Variants in WFIKKN2 observed in about 807,000 individuals in gnomAD.
WFIKKN2 encodes the protein WAP, Kazal, immunoglobulin, Kunitz and NTR domain-containing protein 2.
WFIKKN2 carries 25 observed loss-of-function variants against 39.2 expected under a neutral mutation model. The ratio of observed to expected loss-of-function variants is 0.64; its 90% CI spans 0.47 to 0.89. The LOEUF is 0.89. Ranked by LOEUF, WFIKKN2 falls within the 40% of genes least tolerant of loss-of-function variation. The pLI is 0.00. For synonymous variants in WFIKKN2, 345 were observed against 329.7 expected (o/e 1.05, Z -0.50); for missense variants, 770 against 811.7 (o/e 0.95, Z 0.62).
At position 50,840,269 on chromosome 17, in the gene WFIKKN2, G is replaced by A; in HGVS notation, c.981G>A (p.Glu327=). 1.2e-6 allele frequency: 2 copies of A among 1,613,998 alleles called. No homozygotes were observed. Among genetic ancestry groups the A allele is most frequent in the South Asian group, 1.1e-5 (1 of 91,066 alleles). ...ATGGCACGGCTTTCCCGGCGGCCGAGTGCCTGAAGCCCCCAGACAGTGAGG... is the reference window on the plus strand; with the variant it reads ...ATGGCACGGCTTTCCCGGCGGCCGAATGCCTGAAGCCCCCAGACAGTGAGG... ...SPNGTAFPAA[E]CLKPPDSEDC... The change falls in exon 2 of 2, where the codon GAG becomes GAA. Residue 327 remains glutamate, a synonymous_variant. Coordinates refer to ENST00000311378, the MANE Select transcript of WFIKKN2 (RefSeq NM_175575.6).
chr17:50,839,361 G>A (rs1971999620), intron 1 of WFIKKN2, 138 bp from the exon 2 acceptor site: 8 of 784,132 alleles, frequency 1.0e-5, no homozygotes, highest in Non-Finnish European at 1.6e-5. Flanking sequence ...GTATGCATTC[G>A]TTATTATTTT....
At chr17:50,838,896 C>A (rs193107004) in intron 1 of WFIKKN2, among the ~76,000 whole-genome samples, 2 of 152,308 alleles carry the variant, frequency 1.3e-5, no homozygotes, top group Admixed American at 1.3e-4. Flanking sequence ...AGGGGCATTC[C>A]CCTCTTAACC....
At chr17:50,837,459 C>T (rs552527560) in intron 1 of WFIKKN2, among the ~76,000 whole-genome samples, 10 of 152,214 alleles carry the variant, frequency 6.6e-5, no homozygotes, top group Non-Finnish European at 1.3e-4. Flanking sequence ...CGAGTCATTC[C>T]CGAGGGCCAT....
rs762844264 is a variant in WFIKKN2 at position 50,840,791 on chromosome 17, G to A, written c.1503G>A (p.Gln501=). 5 of 1,614,010 alleles carry A rather than the reference G, an allele frequency of 3.1e-6. No individual in the cohort carries two copies. The East Asian group carries it at 1.1e-4, about 36-fold the overall frequency. ...AAATGGGCCTCAAGTTCCTGGGCCAGGAGCCATTGGAGGTCACTCTGCTTC... is the reference window on the plus strand; with the variant it reads ...AAATGGGCCTCAAGTTCCTGGGCCAAGAGCCATTGGAGGTCACTCTGCTTC... ...DEKMGLKFLG[Q]EPLEVTLLHV... is the part of the protein sequence containing the mutation. Residue 501 remains glutamine, a synonymous_variant, in exon 2 of 2, where the codon CAG becomes CAA. Transcript: ENST00000311378.
Position 50,841,151 on chromosome 17 carries a change from A to G in WFIKKN2, c.*132A>G. 4 of 927,914 alleles carry G rather than the reference A, an allele frequency of 4.3e-6. No individual in the cohort carries two copies. Among genetic ancestry groups the G allele is most frequent in the Non-Finnish European group, 6.2e-6 (4 of 644,006 alleles). The allele number at this position is 927,914 out of a possible 1,614,324, so 57.5% of individuals were successfully genotyped here. ...GGAAACATCAACCGACGTGTCACAG[A>G]AAAAGCCACAGAAGGTCTCAGATCA... is the stretch of plus-strand genomic sequence containing the variant. On this transcript the variant is annotated 3_prime_UTR_variant, in exon 2 of 2. Transcript: ENST00000311378.
chr17:50,840,854 G>A lies in WFIKKN2; in HGVS notation c.1566G>A (p.Val522=). The A allele has an allele frequency of 1.2e-6, 2 of 1,611,162 alleles. No homozygotes were observed. The highest frequency in any genetic ancestry group is 8.5e-7 in the Non-Finnish European group (1 of 1,177,684). ...CATGCCCCTGCCCCAACGTGACCGTGAGCGAGATGCCGCTCATCATCATGG... is the reference window on the plus strand; with the variant it reads ...CATGCCCCTGCCCCAACGTGACCGTAAGCGAGATGCCGCTCATCATCATGG... The part of the protein sequence containing the change: ...DWACPCPNVT[V]SEMPLIIMGE... Residue 522 remains valine (V), a synonymous_variant, in exon 2 of 2, where the codon GTG becomes GTA. Coordinates refer to ENST00000311378, the MANE Select transcript of WFIKKN2 (RefSeq NM_175575.6).
Position 50,835,967 on chromosome 17 carries a change from G to C in WFIKKN2, c.30G>C (p.Trp10Cys). The C allele has an allele frequency of 6.2e-7, 1 of 1,610,408 alleles. No homozygotes were observed. The highest frequency in any genetic ancestry group is 8.5e-7 in the Non-Finnish European group (1 of 1,178,702). The change falls in exon 1 of 2, where the codon TGG (tryptophan) becomes TGC (cysteine). Residue 10 changes from tryptophan (W) to cysteine (C), a missense_variant. By Grantham distance (215) the Trp-to-Cys change is radical. Coordinates refer to ENST00000311378, the MANE Select transcript of WFIKKN2 (RefSeq NM_175575.6). ...GGGCCCCAAGGTGTCGCCGGTTCTG[G>C]TCTCGCTGGGAGCAGGTGGCAGCGC... MWAPRCRRF[W>C]SRWEQVAALL... is the part of the protein sequence containing the mutation.
chr17:50,839,952 A>G lies in WFIKKN2; in HGVS notation c.664A>G (p.Thr222Ala). The change falls in exon 2 of 2, where the codon ACC becomes GCC. Residue 222 changes from threonine to alanine, a missense_variant. By Grantham distance (58) the Thr-to-Ala change is moderately conservative. Transcript: ENST00000311378. The stretch of plus-strand genomic sequence containing the variant: ...CAACAACCCTGTGCACCAGTCGGTC[A>G]CCATGGGTGAGACAGTGAGCTTCCT... ...LLNNPVHQSV[T>A]MGETVSFLCD... 1 of 1,614,150 alleles carries G rather than the reference A, an allele frequency of 6.2e-7. No homozygotes were observed. The highest frequency in any genetic ancestry group is 8.5e-7 in the Non-Finnish European group (1 of 1,179,976).
In WFIKKN2 at chr17:50,841,127, G is replaced by A. The variant is rs1252874082; in HGVS notation, c.*108G>A. 1 of 1,182,394 alleles carries A rather than the reference G, an allele frequency of 8.5e-7. No homozygotes were observed. The highest frequency in any genetic ancestry group is 1.2e-6 in the Non-Finnish European group (1 of 869,024). 73.2% of individuals were successfully genotyped at this position (1,182,394 alleles called of 1,614,324 possible). A position where few individuals can be genotyped will look rare whatever the true frequency, so the allele number is the denominator to read the frequency against. On this transcript the variant is annotated 3_prime_UTR_variant, in exon 2 of 2. Coordinates refer to ENST00000311378, the MANE Select transcript of WFIKKN2 (RefSeq NM_175575.6). ...GATTAGACAGGCTTGGGACAGCAGG[G>A]AAACATCAACCGACGTGTCACAGAA...
intron 1 of WFIKKN2, among the ~76,000 whole-genome samples, chr17:50,837,740 C>T (rs776951165): frequency 1.8e-4 from 27 of 152,354 alleles, no homozygotes; most frequent in Admixed American, 3.9e-4. Context: ...GACAGATGCT[C>T]CCCTTGGGCA....
intron 1 of WFIKKN2, among the ~76,000 whole-genome samples, chr17:50,836,428 G>A (rs1298820833): frequency 5.9e-5 from 9 of 151,888 alleles, no homozygotes; most frequent in Admixed American, 5.9e-4. Flanking sequence ...AGAAGTGGGA[G>A]TGTGAGGTTG....
In WFIKKN2 at chr17:50,841,082, C is replaced by T. The variant is rs1461508507; in HGVS notation, c.*63C>T. The T allele has an allele frequency of 1.4e-6, 2 of 1,460,484 alleles. No individual in the cohort carries two copies. The highest frequency in any genetic ancestry group is 1.8e-6 in the Non-Finnish European group (2 of 1,096,814). The allele number at this position is 1,460,484 out of a possible 1,614,324, so 90.5% of individuals were successfully genotyped here. A position where few individuals can be genotyped will look rare whatever the true frequency, so the allele number is the denominator to read the frequency against. On this transcript the variant is annotated 3_prime_UTR_variant, in exon 2 of 2. Transcript: ENST00000311378. ...TCCACCTATCCACCCCAATGCCTCT[C>T]AGCAAACTGGGCGAGGTCAGATTAG...
chr17:50,840,795 C>T lies in WFIKKN2; in HGVS notation c.1507C>T (p.Pro503Ser). The change falls in exon 2 of 2, where the codon CCA becomes TCA. Residue 503 changes from proline to serine, a missense_variant. Transcript: ENST00000311378. ...GGGCCTCAAGTTCCTGGGCCAGGAG[C>T]CATTGGAGGTCACTCTGCTTCACGT... is the stretch of plus-strand genomic sequence containing the variant. ...KMGLKFLGQEPLEVTLLHVDW... is the reference protein window; with the variant it reads ...KMGLKFLGQESLEVTLLHVDW... 1 of 1,614,116 alleles carries T rather than the reference C, an allele frequency of 6.2e-7. No individual in the cohort carries two copies. The highest frequency in any genetic ancestry group is 1.7e-4 in the Middle Eastern group (1 of 6,040).
At position 50,839,524 on chromosome 17, in the gene WFIKKN2, G is replaced by A. The variant is rs1303314225; in HGVS notation, c.236G>A (p.Cys79Tyr). 1 of 1,613,894 alleles carries A rather than the reference G, an allele frequency of 6.2e-7. No individual in the cohort carries two copies. Among genetic ancestry groups the A allele is most frequent in the East Asian group, 2.2e-5 (1 of 44,876 alleles). Residue 79 changes from cysteine (C) to tyrosine (Y), a missense_variant, in exon 2 of 2, where the codon TGC (cysteine) becomes TAC (tyrosine). Cys to Tyr is a radical substitution (Grantham distance 194). Transcript: ENST00000311378. The stretch of plus-strand genomic sequence containing the variant: ...GAGTGTGAGACCTATGAGAAGTGCT[G>A]CCCCAACGTATGTGGGACCAAGAGC... Reference protein sequence around the residue: ...DQECETYEKCCPNVCGTKSCV... With the variant: ...DQECETYEKCYPNVCGTKSCV...
Position 50,841,179 on chromosome 17 carries a change from A to G in WFIKKN2, c.*160A>G. On this transcript the variant is annotated 3_prime_UTR_variant, in exon 2 of 2. Transcript: ENST00000311378. ...AAGCCACAGAAGGTCTCAGATCAGC[A>G]TCTATTCTTTGGGTTCAATAAGGGG... 2 of 692,052 alleles carry G rather than the reference A, an allele frequency of 2.9e-6. No homozygotes were observed. The highest frequency in any genetic ancestry group is 3.2e-5 in the South Asian group (1 of 30,950). 42.9% of individuals were successfully genotyped at this position (692,052 alleles called of 1,614,324 possible).
rs765745874 is a variant in WFIKKN2, at chr17:50,840,212, T to C, written c.924T>C (p.His308=). The part of the protein sequence containing the change: ...ADFPLSVVRG[H]QAAATSESSP... ...TCCCGCTGTCGGTGGTCAGGGGTCA[T>C]CAGGCTGCAGCCACCTCAGAGAGCA... The change falls in exon 2 of 2, where the codon CAT becomes CAC. Residue 308 remains histidine (H), a synonymous_variant. Coordinates refer to ENST00000311378, the MANE Select transcript of WFIKKN2 (RefSeq NM_175575.6). 6.2e-7 allele frequency: 1 copy of C among 1,613,688 alleles called. No homozygotes were observed.
Position 50,839,911 on chromosome 17 carries a change from C to A in WFIKKN2, c.623C>A (p.Ala208Glu). The part of the protein sequence containing the change: ...ASPETPELDM[A>E]APALLNNPVH... ...CCAGAGACCCCTGAGCTGGACATGG[C>A]GGCCCCTGCGCTGCTCAACAACCCT... Residue 208 changes from alanine to glutamate, a missense_variant, in exon 2 of 2, where the codon GCG (alanine) becomes GAG (glutamate). Ala to Glu is a moderately radical substitution (Grantham distance 107). Coordinates refer to ENST00000311378, the MANE Select transcript of WFIKKN2 (RefSeq NM_175575.6). 1 of 1,614,178 alleles carries A rather than the reference C, an allele frequency of 6.2e-7. No homozygotes were observed. The highest frequency in any genetic ancestry group is 8.5e-7 in the Non-Finnish European group (1 of 1,180,036).
rs769129205 is a variant in WFIKKN2, at chr17:50,840,637, C to T, written c.1349C>T (p.Pro450Leu). 5 of 1,614,040 alleles carry T rather than the reference C, an allele frequency of 3.1e-6. No homozygotes were observed. The East Asian group carries it at 1.1e-4, about 36-fold the overall frequency. The change falls in exon 2 of 2, where the codon CCT becomes CTT. Residue 450 changes from proline to leucine, a missense_variant. Physicochemically the swap from Pro to Leu is moderately conservative, Grantham distance 98 (BLOSUM62 -3). Coordinates refer to ENST00000311378, the MANE Select transcript of WFIKKN2 (RefSeq NM_175575.6). ...RGNQRCRACK[P>L]RQKLVTSFCR... ...AACCAGCGCTGTCGGGCCTGCAAGC[C>T]TCGGCAGAAGCTCGTTACCAGCTTC...
In WFIKKN2 at chr17:50,836,079, A is replaced by G; in HGVS notation, c.142A>G (p.Asn48Asp). 1.2e-6 allele frequency: 2 copies of G among 1,611,272 alleles called. No homozygotes were observed. The highest frequency in any genetic ancestry group is 1.7e-6 in the Non-Finnish European group (2 of 1,178,822). The part of the protein sequence containing the change: ...IRYSHAGICP[N>D]DMNPNLWVDA... ...CTATTCCCACGCCGGCATCTGCCCC[A>G]ACGACATGAATCCCAACCTCTGGGT... Residue 48 changes from asparagine to aspartate, a missense_variant, in exon 1 of 2, where the codon AAC (asparagine) becomes GAC (aspartate). By Grantham distance (23) the Asn-to-Asp change is conservative. Transcript: ENST00000311378.
Sources: allele counts gnomAD v4.1 joint callset (sites outside exome capture counted in the v4.1 genomes callset), GRCh38; gene constraint gnomAD v4.1.1; transcripts MANE v1.5; gene names NCBI Gene and HGNC (gene_info 2026-07-23, HGNC 2026-07-21).